Variants in STRN3 observed in about 807,000 individuals in gnomAD.
STRN3 encodes striatin 3, also known as striatin-3.
STRN3 carries 29 observed loss-of-function variants against 95.6 expected under a neutral mutation model. That is an observed-to-expected ratio of 0.30 (90% confidence interval 0.23 to 0.41). STRN3 has a LOEUF of 0.41. Among genes scored for constraint, STRN3 ranks in the 10% least tolerant of loss-of-function variants. STRN3 has a pLI of 1.00. For missense variants in STRN3, 890 were observed against 972.1 expected (o/e 0.92, Z 1.12); for synonymous variants, 331 against 357.6 (o/e 0.93, Z 0.84).
intron 3 of STRN3, among the ~76,000 whole-genome samples, chr14:30,954,900 A>T (rs1005976566): frequency 7.9e-5 from 12 of 151,716 alleles, no homozygotes; most frequent in African/African-American, 2.9e-4. Context: ...GCCATACTGG[A>T]AATAAAATGA....
Position 30,934,106 on chromosome 14 carries a change from G to T in STRN3, c.988+1057C>A, listed in dbSNP as rs535810202. 2.6e-5 allele frequency among the ~76,000 whole-genome samples: 4 copies of T among 152,198 alleles called. No individual in the cohort carries two copies. The South Asian group carries it at 8.3e-4, about 32-fold the overall frequency. ...TTTGGGAGGCCAAGGCGGGCGGATCGCGATGTCAAGAGATCGAGACCATCC... is the reference window on the plus strand; with the variant it reads ...TTTGGGAGGCCAAGGCGGGCGGATCTCGATGTCAAGAGATCGAGACCATCC... On this transcript the variant is annotated intron_variant, in intron 7 of 17. Coordinates refer to ENST00000357479, the MANE Select transcript of STRN3 (RefSeq NM_001083893.2).
At chr14:30,936,294 T>C (rs1352060436) in intron 6 of STRN3, among the ~76,000 whole-genome samples, 3 of 152,212 alleles carry the variant, frequency 2.0e-5, no homozygotes, top group Non-Finnish European at 4.4e-5. Context: ...ACAGACCTTT[T>C]CTTGCCCATT....
intron 1 of STRN3, among the ~76,000 whole-genome samples, chr14:30,962,410 C>T (rs1355325844): frequency 2.0e-5 from 3 of 152,264 alleles, no homozygotes; most frequent in African/African-American, 2.4e-5. Flanking sequence ...AGTGTTTATA[C>T]AATCTACAAG....
At chr14:30,929,126 A>C in intron 8 of STRN3, 75 bp downstream of exon 8, 1 of 1,282,700 alleles carries the variant, frequency 7.8e-7, no homozygotes, top group South Asian at 1.5e-5. Context: ...TAAGTTACAC[A>C]AAGAAACAGA....
chr14:30,923,838 G>C (rs1342270529), intron 8 of STRN3, among the ~76,000 whole-genome samples: 2 of 152,066 alleles, frequency 1.3e-5, no homozygotes, highest in Non-Finnish European at 2.9e-5. Flanking sequence ...ATTTTTAGCT[G>C]CTCTCTCATA....
At chr14:30,908,060 T>C (rs1196019830) in intron 13 of STRN3, among the ~76,000 whole-genome samples, 8 of 152,174 alleles carry the variant, frequency 5.3e-5, no homozygotes, top group African/African-American at 1.9e-4. Flanking sequence ...TGTCTAAAGG[T>C]ATCTTCTCCT....
At chr14:30,969,520 T>C (rs1880719077) in intron 1 of STRN3, among the ~76,000 whole-genome samples, 1 of 152,052 alleles carries the variant, frequency 6.6e-6, no homozygotes, top group South Asian at 2.1e-4. Flanking sequence ...TTTATTAAAA[T>C]TAACATTAAT....
At chr14:31,015,261 G>A (rs1446541983) in intron 1 of STRN3, among the ~76,000 whole-genome samples, 1 of 152,168 alleles carries the variant, frequency 6.6e-6, no homozygotes, top group African/African-American at 2.4e-5. Flanking sequence ...GGTATGAGTT[G>A]CGTTTCCCCA....
intron 1 of STRN3, among the ~76,000 whole-genome samples, chr14:30,960,913 A>G (rs1401362447): frequency 6.6e-6 from 1 of 151,744 alleles, no homozygotes; most frequent in South Asian, 2.1e-4. Flanking sequence ...AAAAAAAGAA[A>G]ATGAACATCT....
At chr14:31,014,835 G>T (rs940836028) in intron 1 of STRN3, 38 of 410,028 alleles carry the variant, frequency 9.3e-5, no homozygotes, top group African/African-American at 6.4e-4. Flanking sequence ...AAAAAACAGG[G>T]TCTCACTCTG....
chr14:30,994,619 A>G (rs992494547), intron 1 of STRN3, among the ~76,000 whole-genome samples: 1 of 152,242 alleles, frequency 6.6e-6, no homozygotes, highest in African/African-American at 2.4e-5. Flanking sequence ...AAAACTAAAT[A>G]TAAAACTTCC....
At chr14:30,953,295 C>T (rs569348215) in intron 3 of STRN3, among the ~76,000 whole-genome samples, 2 of 152,222 alleles carry the variant, frequency 1.3e-5, no homozygotes, top group Admixed American at 6.5e-5. Flanking sequence ...TTCTTGTGCC[C>T]TCCAGTCACT....
chr14:30,983,401 C>T (rs985920805), intron 1 of STRN3, among the ~76,000 whole-genome samples: 3 of 151,978 alleles, frequency 2.0e-5, no homozygotes, highest in Non-Finnish European at 4.4e-5. Flanking sequence ...AAAAATTAGC[C>T]GCGTGTGGTG....
intron 1 of STRN3, among the ~76,000 whole-genome samples, chr14:30,999,579 A>G (rs1011696745): frequency 6.6e-6 from 1 of 152,214 alleles, no homozygotes; most frequent in African/African-American, 2.4e-5. Context: ...AGCAGGCAGA[A>G]CAATCAACCA....
At chr14:31,003,363 AAAC>A (rs1226690111) in intron 1 of STRN3, among the ~76,000 whole-genome samples, 2 of 145,406 alleles carry the variant, frequency 1.4e-5, no homozygotes, top group Admixed American at 6.7e-5. Flanking sequence ...AAAAAAAAAC[AAAC>A]AACTCAAGCT....
chr14:30,997,397 T>C (rs1882252843), intron 1 of STRN3, among the ~76,000 whole-genome samples: 1 of 152,110 alleles, frequency 6.6e-6, no homozygotes, highest in Non-Finnish European at 1.5e-5. Flanking sequence ...CAGTAGGCAA[T>C]ATTCCTCTGC....
chr14:30,985,470 G>A (rs961774251), intron 1 of STRN3, among the ~76,000 whole-genome samples: 7 of 152,092 alleles, frequency 4.6e-5, no homozygotes, highest in Non-Finnish European at 1.0e-4. Flanking sequence ...CAGGCATGGT[G>A]GCGCATGCCT....
At chr14:30,959,060 C>T (rs1222205566) in intron 1 of STRN3, among the ~76,000 whole-genome samples, 1 of 152,200 alleles carries the variant, frequency 6.6e-6, no homozygotes, top group Non-Finnish European at 1.5e-5. Context: ...GGCATGGTGG[C>T]TCACACCTGT....
intron 8 of STRN3, among the ~76,000 whole-genome samples, chr14:30,926,477 C>G (rs1594447046): frequency 6.6e-6 from 1 of 151,814 alleles, no homozygotes; most frequent in South Asian, 2.1e-4. Context: ...AATAAATAGT[C>G]TCTGAGTGGT....
Sources: allele counts gnomAD v4.1 joint callset (sites outside exome capture counted in the v4.1 genomes callset), GRCh38; gene constraint gnomAD v4.1.1; transcripts MANE v1.5; gene names NCBI Gene and HGNC (gene_info 2026-07-23, HGNC 2026-07-21).